CTDP1: variants seen among roughly 807,000 people sequenced by gnomAD.
CTDP1 encodes RNA polymerase II subunit A C-terminal domain phosphatase.
In CTDP1, 47 loss-of-function variants were observed where a neutral mutation model predicts 91.8. The ratio of observed to expected loss-of-function variants is 0.51; its 90% CI spans 0.41 to 0.65. The LOEUF is 0.65. Among genes scored for constraint, CTDP1 ranks in the 30% least tolerant of loss-of-function variants. CTDP1 has a pLI of 0.00. For synonymous variants in CTDP1, 656 were observed against 598.5 expected, an observed-to-expected ratio of 1.10 and a Z score of -1.40; for missense variants, 1,272 against 1,373.7, an observed-to-expected ratio of 0.93 and a Z score of 1.17.
intron 12 of CTDP1, among the ~76,000 whole-genome samples, chr18:79,741,698 G>A (rs151281402): frequency 4.6e-5 from 7 of 152,342 alleles, no homozygotes; most frequent in Middle Eastern, 3.4e-3. Context: ...GTCAGCCTGC[G>A]TGGGAGACAC....
intron 12 of CTDP1, among the ~76,000 whole-genome samples, chr18:79,737,194 C>G (rs1450321772): frequency 6.6e-6 from 1 of 152,226 alleles, no homozygotes; most frequent in African/African-American, 2.4e-5. Flanking sequence ...CTCACCTGCT[C>G]CTTGTGACTG....
downstream of CTDP1, chr18:79,754,944 T>A (rs1881628074): frequency 6.6e-6 from 1 of 152,252 alleles, no homozygotes; most frequent in South Asian, 2.1e-4. Flanking sequence ...AAGCACACAC[T>A]CCTGCTTTCC....
intron 12 of CTDP1, among the ~76,000 whole-genome samples, chr18:79,743,825 A>G (rs939676523): frequency 9.9e-5 from 15 of 152,222 alleles, no homozygotes; most frequent in African/African-American, 3.6e-4. Flanking sequence ...CGTGAAACAG[A>G]TCATACAAGT....
intron 12 of CTDP1, chr18:79,749,760 C>T (rs1599326777): frequency 6.6e-6 from 1 of 152,234 alleles, no homozygotes; most frequent in African/African-American, 2.4e-5. Flanking sequence ...TTTACGAGAA[C>T]TGTCTCTGTC....
upstream of CTDP1, chr18:79,677,487 T>C (rs971859584): frequency 2.0e-5 from 3 of 152,180 alleles, no homozygotes; most frequent in East Asian, 1.9e-4. Context: ...TGAAACAGAG[T>C]TTGAAGTGCT....
At chr18:79,722,827 A>T (rs1002219904) in intron 10 of CTDP1, among the ~76,000 whole-genome samples, 5 of 152,234 alleles carry the variant, frequency 3.3e-5, no homozygotes, top group Non-Finnish European at 7.3e-5. Context: ...ACCAGCCGGC[A>T]GGAGTTCTGC....
upstream of CTDP1, chr18:79,678,724 T>TA (rs149106370): frequency 0.013 from 2,019 of 150,904 alleles, 51 homozygotes; most frequent in African/African-American, 0.047. Context: ...AGATACATAG[T>TA]AAAAAAAAAA....
chr18:79,714,782 C>G lies in CTDP1; in HGVS notation c.1322C>G (p.Pro441Arg), dbSNP rs758829654. Residue 441 changes from proline (P) to arginine (R), a missense_variant, in exon 8 of 13, where the codon CCT becomes CGT. Physicochemically the swap from Pro to Arg is moderately radical, Grantham distance 103. Coordinates refer to ENST00000613122, the MANE Select transcript of CTDP1 (RefSeq NM_004715.5). ...GGCCGGGTGGCACCGGGACAGCGGC[C>G]TGCCCAGGGTGCCACGGGCACTGAC... ...QGGRVAPGQR[P>R]AQGATGTDLD... 2.7e-5 allele frequency: 44 copies of G among 1,603,570 alleles called. No individual in the cohort carries two copies. Among genetic ancestry groups the G allele is most frequent in the African/African-American group, 5.3e-5 (4 of 74,890 alleles).
intron 1 of CTDP1, 41 bp downstream of exon 1, chr18:79,680,302 C>T: frequency 8.1e-7 from 1 of 1,237,582 alleles, no homozygotes; most frequent in Non-Finnish European, 1.0e-6. Flanking sequence ...GCGGGCGGCT[C>T]CGGGGAGGGA....
At chr18:79,722,591 G>GGTCT (rs1208709491) in intron 10 of CTDP1, among the ~76,000 whole-genome samples, 1 of 152,230 alleles carries the variant, frequency 6.6e-6, no homozygotes. Context: ...CGGGCCCCCT[G>GGTCT]GTCTGGGTGA....
intron 10 of CTDP1, among the ~76,000 whole-genome samples, chr18:79,722,733 C>T (rs1212436511): frequency 6.6e-6 from 1 of 152,176 alleles, no homozygotes; most frequent in Non-Finnish European, 1.5e-5. Context: ...ATGAAACGAC[C>T]TACTTACATC....
chr18:79,680,222 G>T lies in CTDP1; in HGVS notation c.275G>T (p.Arg92Leu). 1 of 1,360,200 alleles carries T rather than the reference G, an allele frequency of 7.4e-7. No individual in the cohort carries two copies. Among genetic ancestry groups the T allele is most frequent in the Non-Finnish European group, 9.4e-7 (1 of 1,063,956 alleles). 84.3% of individuals were successfully genotyped at this position (1,360,200 alleles called of 1,614,324 possible). A position where few individuals can be genotyped will look rare whatever the true frequency, so the allele number is the denominator to read the frequency against. ...AGGTCGGAGCGCGCGGGCGTGGTGC[G>T]GGAGCTGTGCGCGCAGCCGGGCCAG... ...RLRSERAGVVRELCAQPGQVV... is the reference protein window; with the variant it reads ...RLRSERAGVVLELCAQPGQVV... The change falls in exon 1 of 13, where the codon CGG (arginine) becomes CTG (leucine). Residue 92 changes from arginine to leucine, a missense_variant. By Grantham distance (102) the Arg-to-Leu change is moderately radical (BLOSUM62 -2). Transcript: ENST00000613122.
At chr18:79,745,249 C>CGCGTTCTGTCCCTGCGTCCCTCCCGTGT (rs2086857819) in intron 12 of CTDP1, among the ~76,000 whole-genome samples, 2 of 136,766 alleles carry the variant, frequency 1.5e-5, no homozygotes, top group East Asian at 2.2e-4. Context: ...CCCTCCCATG[C>CGCGTTCTGTCCCTGCGTCCCTCCCGTGT]GCGTTCTGTC....
In CTDP1 at chr18:79,682,692, G is replaced by A. The variant is rs572564203; in HGVS notation, c.314+2431G>A. On this transcript the variant is annotated intron_variant, in intron 1 of 12. Coordinates refer to ENST00000613122, the MANE Select transcript of CTDP1 (RefSeq NM_004715.5). ...GAGCGCTGACTTTCTGGATCAGTGG[G>A]TTCTCCAGGTTGACTGCGGGACCTG... is the stretch of plus-strand genomic sequence containing the variant. 1.3e-5 allele frequency among the ~76,000 whole-genome samples: 2 copies of A among 152,214 alleles called. 1 individual carries two copies. The highest frequency in any genetic ancestry group is 2.9e-5 in the Non-Finnish European group (2 of 68,042).
At chr18:79,707,991 G>A (rs1022543303) in intron 5 of CTDP1, among the ~76,000 whole-genome samples, 3 of 152,214 alleles carry the variant, frequency 2.0e-5, no homozygotes, top group African/African-American at 7.2e-5. Flanking sequence ...TAGATCTAGC[G>A]ACTTCATGGC....
intron 7 of CTDP1, among the ~76,000 whole-genome samples, 159 bp from the exon 8 acceptor site, chr18:79,714,332 T>C (rs2086148471): frequency 6.6e-6 from 1 of 152,028 alleles, no homozygotes; most frequent in Non-Finnish European, 1.5e-5. Context: ...AGGTAAGGGG[T>C]GCTCACCCTG....
At chr18:79,740,247 T>G (rs1429634964) in intron 12 of CTDP1, among the ~76,000 whole-genome samples, 4 of 152,176 alleles carry the variant, frequency 2.6e-5, no homozygotes, top group African/African-American at 9.7e-5. Context: ...GCCTGCCGTT[T>G]GCGGATCGCT....
At chr18:79,684,146 CG>C (rs1361097023) in intron 1 of CTDP1, among the ~76,000 whole-genome samples, 1 of 152,196 alleles carries the variant, frequency 6.6e-6, no homozygotes, top group Non-Finnish European at 1.5e-5. Flanking sequence ...CACTGGCCGC[CG>C]GCTGCTTGAC....
rs1195401821 is a variant in CTDP1, at chr18:79,717,539, A to G, written c.2073A>G (p.Thr691=). The change falls in exon 9 of 13, where the codon ACA becomes ACG. Residue 691 remains threonine (T), a synonymous_variant. Coordinates refer to ENST00000613122, the MANE Select transcript of CTDP1 (RefSeq NM_004715.5). ...ATHLIAARAG[T]EKVLQAQECG... Reference sequence around the variant, plus strand: ...ACGCAGCCGGGTCTCCTGCAGGCACAGAGAAGGTGCTGCAGGCACAGGAGT... The same window carrying G: ...ACGCAGCCGGGTCTCCTGCAGGCACGGAGAAGGTGCTGCAGGCACAGGAGT... The G allele has an allele frequency of 6.2e-7, 1 of 1,613,020 alleles. No individual in the cohort carries two copies. Among genetic ancestry groups the G allele is most frequent in the Non-Finnish European group, 8.5e-7 (1 of 1,179,878 alleles).
Sources: gnomAD v4.1 joint callset for allele counts (sites outside exome capture counted in the v4.1 genomes callset) on GRCh38, gnomAD v4.1.1 for gene constraint, MANE v1.5 for transcripts, NCBI Gene and HGNC (gene_info 2026-07-23, HGNC 2026-07-21) for gene names.